Variants in HRH1 observed in about 807,000 individuals in gnomAD.
The protein encoded by HRH1 is histamine receptor H1.
In HRH1, 6 loss-of-function variants were observed where a neutral mutation model predicts 10.3. That is an observed-to-expected ratio of 0.58 (90% CI 0.32 to 1.15). The LOEUF is 1.15. Ranked by LOEUF, HRH1 falls within the 50% of genes most tolerant of loss-of-function variation. HRH1 has a pLI of 0.05. For synonymous variants in HRH1, 242 were observed against 236.7 expected (o/e 1.02, Z -0.21); for missense variants, 514 against 615.3 (o/e 0.84, Z 1.74).
At chr3:11,168,842 A>T (rs1937099345) in intron 1 of HRH1, among the ~76,000 whole-genome samples, 1 of 152,242 alleles carries the variant, frequency 6.6e-6, no homozygotes, top group African/African-American at 2.4e-5. Flanking sequence ...CCCGGGAGTG[A>T]TGTCTCTCTG....
chr3:11,190,371 T>TAA (rs1937515674), intron 1 of HRH1, among the ~76,000 whole-genome samples: 4 of 149,006 alleles, frequency 2.7e-5, no homozygotes, highest in African/African-American at 9.8e-5. Flanking sequence ...ATATATTTTT[T>TAA]AATTAATTAA....
Position 11,261,344 on chromosome 3 carries a change from G to C in HRH1, c.*843G>C, listed in dbSNP as rs904195690. 1 of 167,062 alleles carries C rather than the reference G, an allele frequency of 6.0e-6. No homozygotes were observed. The highest frequency in any genetic ancestry group is 1.5e-5 in the Non-Finnish European group (1 of 68,108). 10.3% of individuals were successfully genotyped at this position (167,062 alleles called of 1,614,324 possible). On this transcript the variant is annotated 3_prime_UTR_variant, in exon 2 of 2. Coordinates refer to ENST00000431010, the MANE Select transcript of HRH1 (RefSeq NM_001098212.2). ...GCAGAATGCCATATTTTTGAGGGCT[G>C]TACTAGGTTTATCTCATTTAAGCCC...
chr3:11,220,943 C>T (rs879604465), intron 1 of HRH1, among the ~76,000 whole-genome samples: 23 of 152,116 alleles, frequency 1.5e-4, no homozygotes, highest in Admixed American at 5.2e-4. Flanking sequence ...ATAAAAGAGA[C>T]GAATCCCCAA....
chr3:11,231,253 G>T (rs1423327953), intron 1 of HRH1, among the ~76,000 whole-genome samples: 1 of 152,146 alleles, frequency 6.6e-6, no homozygotes, highest in Non-Finnish European at 1.5e-5. Context: ...GTAGCTGGTT[G>T]TTTCCAGCAT....
At chr3:11,237,740 A>G (rs957150139) in intron 1 of HRH1, among the ~76,000 whole-genome samples, 39 of 126,024 alleles carry the variant, frequency 3.1e-4, no homozygotes, top group African/African-American at 1.2e-3. Flanking sequence ...CAGTGGCGTG[A>G]TCTCAGCTCA....
intron 1 of HRH1, among the ~76,000 whole-genome samples, chr3:11,220,670 G>A (rs1938680816): frequency 6.6e-6 from 1 of 152,218 alleles, no homozygotes; most frequent in African/African-American, 2.4e-5. Context: ...TGTAAACCTT[G>A]TTTGCCCTCC....
chr3:11,171,030 C>A (rs1937140843), intron 1 of HRH1, among the ~76,000 whole-genome samples: 1 of 151,950 alleles, frequency 6.6e-6, no homozygotes, highest in Non-Finnish European at 1.5e-5. Context: ...CTTTTTCTAA[C>A]CTAGAATCTC....
upstream of HRH1, among the ~76,000 whole-genome samples, chr3:11,153,062 G>A (rs1936680268): frequency 6.6e-6 from 1 of 152,046 alleles, no homozygotes; most frequent in South Asian, 2.1e-4. Context: ...TATAGAAATG[G>A]CATCATGAAA....
intron 1 of HRH1, among the ~76,000 whole-genome samples, chr3:11,249,123 G>A (rs928864751): frequency 3.9e-5 from 6 of 152,100 alleles, no homozygotes; most frequent in Admixed American, 6.6e-5. Context: ...AGGGCTGGGC[G>A]CGGTGGCTCA....
chr3:11,199,699 C>T (rs920317305), intron 1 of HRH1, among the ~76,000 whole-genome samples: 22 of 152,164 alleles, frequency 1.4e-4, no homozygotes, highest in African/African-American at 4.3e-4. Context: ...CATTAGGGAC[C>T]CAGGCATATT....
chr3:11,184,587 G>A (rs997677056), intron 1 of HRH1, among the ~76,000 whole-genome samples: 2 of 152,002 alleles, frequency 1.3e-5, no homozygotes, highest in Non-Finnish European at 2.9e-5. Flanking sequence ...TTCCTAACAC[G>A]CCGAGATAAT....
chr3:11,210,340 A>G (rs894481194), intron 1 of HRH1, among the ~76,000 whole-genome samples: 2 of 152,116 alleles, frequency 1.3e-5, no homozygotes, highest in East Asian at 3.8e-4. Context: ...GCTGCCGTGA[A>G]CTATTGAACG....
intron 1 of HRH1, among the ~76,000 whole-genome samples, chr3:11,210,996 A>G (rs1313431373): frequency 1.3e-5 from 2 of 152,208 alleles, no homozygotes; most frequent in Non-Finnish European, 2.9e-5. Context: ...AAGGCATCAA[A>G]ATACAGTGTT....
intron 1 of HRH1, among the ~76,000 whole-genome samples, chr3:11,177,253 T>TTAAATAAATAAATAAATAAATAAA (rs201560218): frequency 1.8e-3 from 270 of 149,428 alleles, no homozygotes; most frequent in African/African-American, 6.0e-3. Context: ...AATAAATAAA[T>TTAAATAAATAAATAAATAAATAAA]TAAATAAATA....
intron 1 of HRH1, among the ~76,000 whole-genome samples, chr3:11,223,446 C>G (rs1226745516): frequency 6.6e-6 from 1 of 151,892 alleles, no homozygotes; most frequent in Non-Finnish European, 1.5e-5. Flanking sequence ...TTGCAGTGAG[C>G]AGAGATGGCG....
At chr3:11,169,395 C>T (rs1260764565) in intron 1 of HRH1, among the ~76,000 whole-genome samples, 1 of 152,138 alleles carries the variant, frequency 6.6e-6, no homozygotes, top group Non-Finnish European at 1.5e-5. Flanking sequence ...GTCATGGAAA[C>T]GAAGAGATGG....
chr3:11,167,579 A>C (rs1276147688), intron 1 of HRH1, among the ~76,000 whole-genome samples: 1 of 151,922 alleles, frequency 6.6e-6, no homozygotes, highest in African/African-American at 2.4e-5. Flanking sequence ...TGATATCTGT[A>C]GTTCATGGTT....
chr3:11,201,243 G>T (rs1001439108), intron 1 of HRH1, among the ~76,000 whole-genome samples: 3 of 152,242 alleles, frequency 2.0e-5, no homozygotes, highest in African/African-American at 7.2e-5. Context: ...CCAGAGAGGG[G>T]CTGACAGAGG....
chr3:11,202,438 T>TAAATAAATAAATAAA (rs58125465), intron 1 of HRH1, among the ~76,000 whole-genome samples: 11,092 of 133,310 alleles, frequency 0.083, 660 homozygotes, highest in African/African-American at 0.13. Flanking sequence ...AAATAAATAA[T>TAAATAAATAAATAAA]TAATTAAAAA....
Sources: allele counts gnomAD v4.1 joint callset (sites outside exome capture counted in the v4.1 genomes callset), GRCh38; gene constraint gnomAD v4.1.1; transcripts MANE v1.5; gene names NCBI Gene and HGNC (gene_info 2026-07-23, HGNC 2026-07-21).